The following KCNQ3 variants were observed in gnomAD, a reference collection of about 807,000 sequenced individuals.
KCNQ3 encodes the protein potassium voltage-gated channel subfamily KQT member 3.
In KCNQ3, 30 loss-of-function variants were observed where a neutral mutation model predicts 92.5. The observed-to-expected ratio is 0.32, with a 90% CI of 0.24 to 0.44. The LOEUF is 0.44. KCNQ3 is among the 20% of genes least tolerant of loss of function. The pLI, the probability that KCNQ3 is intolerant of heterozygous loss-of-function variation, is 1.00. For synonymous variants in KCNQ3, 450 were observed against 468.8 expected (o/e 0.96, Z 0.52); for missense variants, 913 against 1,140.3 (o/e 0.80, Z 2.87).
At chr8:132,184,907 G>A (rs978840856) in intron 2 of KCNQ3, among the ~76,000 whole-genome samples, 1 of 152,190 alleles carries the variant, frequency 6.6e-6, no homozygotes, top group Admixed American at 6.5e-5. Flanking sequence ...GTTTTTCAAG[G>A]CAATGAAGTG....
At chr8:132,148,265 T>C (rs978328724) in intron 9 of KCNQ3, among the ~76,000 whole-genome samples, 1 of 152,262 alleles carries the variant, frequency 6.6e-6, no homozygotes, top group East Asian at 1.9e-4. Flanking sequence ...TCTTTTTTTT[T>C]TGGAGACAGA....
chr8:132,194,133 C>T (rs1241738512), intron 1 of KCNQ3, among the ~76,000 whole-genome samples: 2 of 152,164 alleles, frequency 1.3e-5, no homozygotes, highest in South Asian at 2.1e-4. Context: ...TCTTAGAATC[C>T]TTGTCTGTCT....
chr8:132,292,539 T>C (rs1451334111), intron 1 of KCNQ3, among the ~76,000 whole-genome samples: 2 of 151,914 alleles, frequency 1.3e-5, no homozygotes, highest in Non-Finnish European at 2.9e-5. Context: ...GGAGATATGG[T>C]TGAATAAATG....
chr8:132,201,224 C>A (rs1237404567), intron 1 of KCNQ3, among the ~76,000 whole-genome samples: 1 of 152,212 alleles, frequency 6.6e-6, no homozygotes, highest in African/African-American at 2.4e-5. Context: ...ATTACATTTC[C>A]CAAACAAGAA....
chr8:132,130,415 G>C (rs1023973337), intron 14 of KCNQ3, among the ~76,000 whole-genome samples: 1 of 152,168 alleles, frequency 6.6e-6, no homozygotes, highest in Non-Finnish European at 1.5e-5. Flanking sequence ...CTTTTCAGAA[G>C]GGAAGATAAT....
intron 1 of KCNQ3, among the ~76,000 whole-genome samples, chr8:132,346,910 T>C (rs1239240271): frequency 6.6e-6 from 1 of 152,088 alleles, no homozygotes; most frequent in Non-Finnish European, 1.5e-5. Flanking sequence ...CTGGAGACAC[T>C]AGGGAGGGAG....
chr8:132,281,603 C>G (rs1816519155), intron 1 of KCNQ3, among the ~76,000 whole-genome samples: 1 of 151,950 alleles, frequency 6.6e-6, no homozygotes, highest in Non-Finnish European at 1.5e-5. Flanking sequence ...ATCTCCACCT[C>G]CATCTCCATC....
intron 3 of KCNQ3, among the ~76,000 whole-genome samples, chr8:132,182,609 C>T (rs186931966): frequency 4.6e-5 from 7 of 152,328 alleles, no homozygotes; most frequent in Admixed American, 6.5e-5. Flanking sequence ...CTCCCACTGT[C>T]GGGATGTTCT....
chr8:132,356,273 T>C (rs1819015683), intron 1 of KCNQ3, among the ~76,000 whole-genome samples: 1 of 152,142 alleles, frequency 6.6e-6, no homozygotes. Flanking sequence ...AAGTCAAGTT[T>C]CTACAAGAAA....
At chr8:132,137,740 T>C in intron 12 of KCNQ3, 145 bp downstream of exon 12, 1 of 1,016,804 alleles carries the variant, frequency 9.8e-7, no homozygotes, top group Non-Finnish European at 1.5e-6. Flanking sequence ...TTTGTTGGCC[T>C]AGACATCCAC....
chr8:132,189,047 C>T (rs1192211874), intron 1 of KCNQ3, among the ~76,000 whole-genome samples: 1 of 152,188 alleles, frequency 6.6e-6, no homozygotes, highest in Non-Finnish European at 1.5e-5. Flanking sequence ...ATGATCTAGC[C>T]TTGCCCTCCT....
intron 7 of KCNQ3, among the ~76,000 whole-genome samples, chr8:132,170,658 G>A (rs1586795860): frequency 6.6e-6 from 1 of 152,156 alleles, no homozygotes; most frequent in African/African-American, 2.4e-5. Context: ...GTGGGGGAAT[G>A]GAGAGATGAA....
intron 1 of KCNQ3, among the ~76,000 whole-genome samples, chr8:132,275,148 A>G (rs1816283588): frequency 6.6e-6 from 1 of 152,158 alleles, no homozygotes; most frequent in Admixed American, 6.5e-5. Context: ...AGGACAGAGT[A>G]AGTATCTAAC....
At chr8:132,186,976 G>GAGAGAC (rs1383215012) in intron 1 of KCNQ3, among the ~76,000 whole-genome samples, 13 of 151,132 alleles carry the variant, frequency 8.6e-5, no homozygotes, top group Non-Finnish European at 1.6e-4. Flanking sequence ...GAGAGAGAGA[G>GAGAGAC]AGAGAGAGAG....
At chr8:132,410,977 G>A (rs546353392) in intron 1 of KCNQ3, among the ~76,000 whole-genome samples, 19 of 152,296 alleles carry the variant, frequency 1.2e-4, no homozygotes, top group East Asian at 5.8e-4. Context: ...TTTTCTGACC[G>A]TTAAGTCTGG....
intron 1 of KCNQ3, among the ~76,000 whole-genome samples, chr8:132,200,733 C>A (rs1260565964): frequency 6.6e-6 from 1 of 152,044 alleles, no homozygotes; most frequent in East Asian, 1.9e-4. Flanking sequence ...ATAAATCTGC[C>A]TCTGGAAACA....
intron 1 of KCNQ3, among the ~76,000 whole-genome samples, chr8:132,215,119 A>T (rs1211954996): frequency 2.6e-5 from 4 of 152,358 alleles, no homozygotes; most frequent in African/African-American, 9.6e-5. Flanking sequence ...GGCAGCTTGT[A>T]GCTGCAGCAC....
At chr8:132,397,898 T>A (rs1426507135) in intron 1 of KCNQ3, among the ~76,000 whole-genome samples, 2 of 152,206 alleles carry the variant, frequency 1.3e-5, no homozygotes, top group South Asian at 2.1e-4. Flanking sequence ...TTTCTGTATA[T>A]CCATCTATAC....
At chr8:132,475,923 G>A (rs937509296) in intron 1 of KCNQ3, among the ~76,000 whole-genome samples, 1 of 152,210 alleles carries the variant, frequency 6.6e-6, no homozygotes, top group Non-Finnish European at 1.5e-5. Flanking sequence ...GCCTAGGGGG[G>A]AAAAATGGTT....
Sources: allele counts gnomAD v4.1 joint callset (sites outside exome capture counted in the v4.1 genomes callset), GRCh38; gene constraint gnomAD v4.1.1; transcripts MANE v1.5; gene names NCBI Gene and HGNC (gene_info 2026-07-23, HGNC 2026-07-21).